Variants in ZNF469 observed in about 807,000 individuals in gnomAD.
ZNF469 encodes the protein zinc finger protein 469.
In ZNF469, 1 loss-of-function variant was observed where a neutral mutation model predicts 1.0. The ratio of observed to expected loss-of-function variants is 1.00; its 90% CI spans 0.35 to 4.73. The LOEUF is 4.73. Ranked by LOEUF, ZNF469 falls within the 30% of genes most tolerant of loss-of-function variation. ZNF469 has a pLI of 0.16. For missense variants in ZNF469, 6,100 were observed against 5,356.3 expected (o/e 1.14, Z -4.33); for synonymous variants, 2,703 against 2,363.4 (o/e 1.14, Z -4.17).
the ZNF469 span, among the ~76,000 whole-genome samples, chr16:88,109,532 CCT>C: frequency 9.7e-6 from 1 of 103,208 alleles, no homozygotes. Context: ...CTGTCTCCTC[CCT>C]GGGATCAGGA....
upstream of ZNF469, among the ~76,000 whole-genome samples, chr16:88,380,540 C>G (rs887814938): frequency 1.4e-5 from 2 of 145,030 alleles, no homozygotes; most frequent in Non-Finnish European, 3.0e-5. Context: ...CACACACGCA[C>G]TAACACAGAC....
chr16:88,394,414 C>T (rs902513979), intron 1 of ZNF469, among the ~76,000 whole-genome samples: 2 of 152,228 alleles, frequency 1.3e-5, no homozygotes, highest in African/African-American at 4.8e-5. Context: ...TCATTTAGCC[C>T]GGCATAACCG....
chr16:88,116,320 G>A, the ZNF469 span, among the ~76,000 whole-genome samples: 1 of 152,140 alleles, frequency 6.6e-6, no homozygotes, highest in African/African-American at 2.4e-5. Context: ...GTGATGTTGC[G>A]GTGTAGACAC....
chr16:88,264,767 G>A, the ZNF469 span, among the ~76,000 whole-genome samples: 11 of 151,876 alleles, frequency 7.2e-5, 1 homozygote, highest in South Asian at 2.3e-3. Context: ...TCCCACACCT[G>A]CTGGGCTTTG....
At position 88,440,425 on chromosome 16, in the gene ZNF469, T is replaced by C. The variant is rs966707258; in HGVS notation, c.*1093T>C. ...CCAACCCAGGCCTGGGACGCACGTG[T>C]CCTCTCACAGCGTCGTGCCTGTGAA... On this transcript the variant is annotated 3_prime_UTR_variant, in exon 3 of 3. Coordinates refer to ENST00000565624, the MANE Select transcript of ZNF469 (RefSeq NM_001367624.2). 5.3e-5 allele frequency: 8 copies of C among 152,064 alleles called. No homozygotes were observed. Among genetic ancestry groups the C allele is most frequent in the African/African-American group, 1.4e-4 (6 of 41,424 alleles). The allele number at this position is 152,064 out of a possible 1,614,324, so 9.4% of individuals were successfully genotyped here. A position where few individuals can be genotyped will look rare whatever the true frequency, so the allele number is the denominator to read the frequency against.
At chr16:88,237,036 G>A in the ZNF469 span, among the ~76,000 whole-genome samples, 3 of 150,676 alleles carry the variant, frequency 2.0e-5, no homozygotes, top group Admixed American at 1.3e-4. Context: ...TTGCCCTCCA[G>A]TTCCACTACT....
the ZNF469 span, among the ~76,000 whole-genome samples, chr16:88,265,658 G>A: frequency 3.0e-4 from 45 of 152,334 alleles, no homozygotes; most frequent in Admixed American, 6.5e-4. Flanking sequence ...CAATGTTCCC[G>A]TCTGTGAAGT....
chr16:88,432,066 G>A lies in ZNF469; in HGVS notation c.4596G>A (p.Arg1532=). ...KVLSKTCPPE[R]TVVPGAAPSL... Reference sequence around the variant, plus strand: ...TCAGTAAGACGTGTCCCCCTGAACGGACAGTGGTTCCCGGCGCCGCCCCAT... The same window carrying A: ...TCAGTAAGACGTGTCCCCCTGAACGAACAGTGGTTCCCGGCGCCGCCCCAT... The change falls in exon 3 of 3, where the codon CGG becomes CGA. Residue 1532 remains arginine (R), a synonymous_variant. Coordinates refer to ENST00000565624, the MANE Select transcript of ZNF469 (RefSeq NM_001367624.2). 1 of 1,550,536 alleles carries A rather than the reference G, an allele frequency of 6.4e-7. No individual in the cohort carries two copies. The highest frequency in any genetic ancestry group is 8.7e-7 in the Non-Finnish European group (1 of 1,146,996).
chr16:88,143,994 C>T, the ZNF469 span, among the ~76,000 whole-genome samples: 5 of 151,936 alleles, frequency 3.3e-5, no homozygotes, highest in South Asian at 2.1e-4. Flanking sequence ...TCAGCGTTTA[C>T]GAGGGTCTGC....
chr16:88,133,903 G>A, the ZNF469 span, among the ~76,000 whole-genome samples: 2 of 152,298 alleles, frequency 1.3e-5, no homozygotes, highest in South Asian at 2.1e-4. Context: ...AGACCAGCCT[G>A]GCCAACATGG....
chr16:88,150,790 C>G, the ZNF469 span, among the ~76,000 whole-genome samples: 1 of 152,034 alleles, frequency 6.6e-6, no homozygotes, highest in African/African-American at 2.4e-5. Context: ...GAGGAAGCAG[C>G]CTCTAAGGAA....
the ZNF469 span, among the ~76,000 whole-genome samples, chr16:88,256,898 CTT>C: frequency 1.6e-3 from 38 of 23,082 alleles, no homozygotes; most frequent in South Asian, 2.7e-3. Flanking sequence ...TTCTTTCCTT[CTT>C]TCTTTCTTTC....
At chr16:88,109,543 G>A in the ZNF469 span, among the ~76,000 whole-genome samples, 1 of 150,128 alleles carries the variant, frequency 6.7e-6, no homozygotes, top group South Asian at 2.1e-4. Context: ...CTGGGATCAG[G>A]AGGTGCTGAG....
At chr16:88,136,386 G>A in the ZNF469 span, among the ~76,000 whole-genome samples, 2 of 152,268 alleles carry the variant, frequency 1.3e-5, no homozygotes, top group Non-Finnish European at 2.9e-5. Flanking sequence ...AAGGCATGCA[G>A]CTGTCCTGAG....
the ZNF469 span, among the ~76,000 whole-genome samples, chr16:88,208,694 G>A: frequency 8.7e-5 from 13 of 149,870 alleles, no homozygotes; most frequent in African/African-American, 2.2e-4. Flanking sequence ...AAGGAAGCAC[G>A]CACAGATAAG....
At chr16:88,292,083 G>C in the ZNF469 span, among the ~76,000 whole-genome samples, 1 of 152,194 alleles carries the variant, frequency 6.6e-6, no homozygotes, top group Admixed American at 6.5e-5. Flanking sequence ...TGGATATGCG[G>C]GTCACAATTA....
chr16:88,281,124 G>A, the ZNF469 span, among the ~76,000 whole-genome samples: 16 of 132,698 alleles, frequency 1.2e-4, no homozygotes, highest in South Asian at 2.6e-4. Context: ...ATTTTGGTGC[G>A]TGGGTTAATG....
the ZNF469 span, among the ~76,000 whole-genome samples, chr16:88,370,494 C>T: frequency 7.2e-5 from 11 of 152,150 alleles, no homozygotes; most frequent in African/African-American, 2.7e-4. Context: ...GTGCCCTGAA[C>T]CTTGGACGAT....
At chr16:88,282,547 T>G in the ZNF469 span, among the ~76,000 whole-genome samples, 1 of 152,152 alleles carries the variant, frequency 6.6e-6, no homozygotes, top group South Asian at 2.1e-4. Context: ...GTGGTGACCA[T>G]CTGGAGCCAA....
Sources: allele counts gnomAD v4.1 joint callset (sites outside exome capture counted in the v4.1 genomes callset), GRCh38; gene constraint gnomAD v4.1.1; transcripts MANE v1.5; gene names NCBI Gene and HGNC (gene_info 2026-07-23, HGNC 2026-07-21).